Variants in MYO18B observed in about 807,000 individuals in gnomAD.
MYO18B encodes the protein myosin XVIIIB.
MYO18B carries 204 observed loss-of-function variants against 273.0 expected under a neutral mutation model. The ratio of observed to expected loss-of-function variants is 0.75; its 90% confidence interval spans 0.67 to 0.84. The LOEUF (loss-of-function observed/expected upper bound fraction) is 0.84, where lower values mean the gene tolerates loss of function less well. Ranked by LOEUF, MYO18B falls within the 40% of genes least tolerant of loss-of-function variation. MYO18B has a pLI of 0.00. For missense variants in MYO18B, 3,212 were observed against 3,287.6 expected (o/e 0.98, Z 0.56); for synonymous variants, 1,330 against 1,305.7 (o/e 1.02, Z -0.40).
At chr22:25,788,716 C>G in intron 11 of MYO18B, among the ~76,000 whole-genome samples, 1 of 152,216 alleles carries the variant, frequency 6.6e-6, no homozygotes, top group East Asian at 1.9e-4. Context: ...GCTGAGCCCT[C>G]CTCCTTCCTT....
At chr22:25,792,905 A>G (rs886077743) in intron 11 of MYO18B, among the ~76,000 whole-genome samples, 4 of 152,188 alleles carry the variant, frequency 2.6e-5, no homozygotes, top group Non-Finnish European at 5.9e-5. Flanking sequence ...CCCCTGCCCA[A>G]TGTCTCCCAG....
At chr22:25,799,386 A>G (rs1263636629) in intron 12 of MYO18B, among the ~76,000 whole-genome samples, 1 of 152,076 alleles carries the variant, frequency 6.6e-6, no homozygotes, top group Non-Finnish European at 1.5e-5. Flanking sequence ...TTTTGGCAAT[A>G]TAGAAGGTTC....
chr22:26,005,604 A>G (rs1360349094), intron 42 of MYO18B, among the ~76,000 whole-genome samples: 1 of 152,118 alleles, frequency 6.6e-6, no homozygotes, highest in East Asian at 1.9e-4. Flanking sequence ...GCCCTCTTGT[A>G]ATTAGGAGTT....
rs1295805932 is a variant in MYO18B at position 25,758,379 on chromosome 22, AGAACCTATGTGACTTT to A, written c.-109-2603_-109-2588del. On this transcript the variant is annotated intron_variant, in intron 1 of 43. Coordinates refer to ENST00000335473, the MANE Select transcript of MYO18B (RefSeq NM_032608.7). ...ATACTACCCAGCAGTTTCACTCAGA[AGAACCTATGTGACTTT>A]GTAGCGACATTATTCGTAGTGCCCC... 4.0e-5 allele frequency among the ~76,000 whole-genome samples: 6 copies of A among 151,768 alleles called. 1 individual carries two copies. The highest frequency in any genetic ancestry group is 6.6e-5 in the Admixed American group (1 of 15,242).
At chr22:25,978,216 G>C (rs1224063873) in intron 39 of MYO18B, among the ~76,000 whole-genome samples, 1 of 152,148 alleles carries the variant, frequency 6.6e-6, no homozygotes, top group Non-Finnish European at 1.5e-5. Context: ...AGCATAGAAG[G>C]GAAAGAAACT....
At chr22:25,836,879 T>G (rs74977712) in intron 17 of MYO18B, among the ~76,000 whole-genome samples, 4,595 of 151,902 alleles carry the variant, frequency 0.03, 154 homozygotes, top group East Asian at 0.19. Flanking sequence ...GGAGAATTGC[T>G]TGAACCCAGG....
In MYO18B at chr22:26,004,765, C is replaced by A; in HGVS notation, c.6380C>A (p.Ser2127Tyr). 4 of 1,613,940 alleles carry A rather than the reference C, an allele frequency of 2.5e-6. No individual in the cohort carries two copies. Among genetic ancestry groups the A allele is most frequent in the Non-Finnish European group, 3.4e-6 (4 of 1,179,832 alleles). The change falls in exon 42 of 44, where the codon TCC (serine) becomes TAC (tyrosine). Residue 2127 changes from serine to tyrosine, a missense_variant. Physicochemically the swap from Ser to Tyr is moderately radical, Grantham distance 144. Coordinates refer to ENST00000335473, the MANE Select transcript of MYO18B (RefSeq NM_032608.7). ...TCCCAGCCAGAGGGCAGCCTGCAGT[C>A]CTGGTTGAGCTGTACTCTGTCCCTG... Reference protein sequence around the residue: ...LSSQPEGSLQSWLSCTLSLAT... With the variant: ...LSSQPEGSLQYWLSCTLSLAT...
At chr22:25,961,057 G>A (rs948130304) in intron 39 of MYO18B, among the ~76,000 whole-genome samples, 1 of 151,678 alleles carries the variant, frequency 6.6e-6, no homozygotes, top group Non-Finnish European at 1.5e-5. Context: ...AGGAAGGAAG[G>A]AAGCAACAAA....
At position 25,814,969 on chromosome 22, in the gene MYO18B, C is replaced by A. The variant is rs1392834146; in HGVS notation, c.2522-8536C>A. ...CCAATCTGGGACCAAGAGGTTCTGTCTTTAAATCCTACACCCTTATTCTTT... is the reference window on the plus strand; with the variant it reads ...CCAATCTGGGACCAAGAGGTTCTGTATTTAAATCCTACACCCTTATTCTTT... On this transcript the variant is annotated intron_variant, in intron 12 of 43. Transcript: ENST00000335473. Among the ~76,000 whole-genome samples, 3 of 152,174 alleles carry A rather than the reference C, an allele frequency of 2.0e-5. No individual in the cohort carries two copies. In the South Asian group the frequency reaches 6.2e-4, roughly 32 times the overall value.
chr22:25,760,411 CAAAA>C (rs60732274), intron 1 of MYO18B, among the ~76,000 whole-genome samples: 780 of 61,094 alleles, frequency 0.013, 8 homozygotes, highest in East Asian at 0.058. Context: ...GACTCCATCT[CAAAA>C]AAAAAAAAAA....
chr22:25,952,863 C>T (rs888392113), intron 38 of MYO18B, among the ~76,000 whole-genome samples: 4 of 152,206 alleles, frequency 2.6e-5, no homozygotes, highest in African/African-American at 7.2e-5. Context: ...TTATTTTGCA[C>T]CCAGTGTGGG....
chr22:25,874,462 C>T (rs768052884), intron 23 of MYO18B, 48 bp downstream of exon 23: 31 of 1,576,034 alleles, frequency 2.0e-5, no homozygotes, highest in East Asian at 4.7e-5. Flanking sequence ...GGGTCTGGAG[C>T]GGGCATAGGG....
chr22:25,757,275 A>T (rs368781839), intron 1 of MYO18B, among the ~76,000 whole-genome samples: 1 of 152,106 alleles, frequency 6.6e-6, no homozygotes, highest in East Asian at 1.9e-4. Flanking sequence ...AAGTCACTGA[A>T]GGGCAGCTAC....
intron 12 of MYO18B, among the ~76,000 whole-genome samples, chr22:25,798,843 G>A (rs1249767708): frequency 1.3e-5 from 2 of 152,136 alleles, no homozygotes; most frequent in Non-Finnish European, 2.9e-5. Context: ...GGGATTACAG[G>A]CATGAGCCAC....
At chr22:25,820,672 A>G (rs188763410) in intron 12 of MYO18B, among the ~76,000 whole-genome samples, 2 of 152,308 alleles carry the variant, frequency 1.3e-5, no homozygotes, top group Admixed American at 6.5e-5. Flanking sequence ...TATTTGTGTT[A>G]GGAACATTCA....
intron 12 of MYO18B, among the ~76,000 whole-genome samples, chr22:25,802,035 G>GAGTTA (rs1377294173): frequency 6.6e-6 from 1 of 152,168 alleles, no homozygotes; most frequent in Non-Finnish European, 1.5e-5. Flanking sequence ...AGTTAACACA[G>GAGTTA]ACCCTGCAGG....
chr22:26,027,480 C>A lies in MYO18B; in HGVS notation c.7506C>A (p.Pro2502=). ...LKKSPEPKED[P]AHLSDSSSSS... ...AGAGCCCGGAGCCCAAGGAGGATCCCGCTCACCTGTCTGACTCGTCCTCAT... is the reference window on the plus strand; with the variant it reads ...AGAGCCCGGAGCCCAAGGAGGATCCAGCTCACCTGTCTGACTCGTCCTCAT... The change falls in exon 43 of 44, where the codon CCC becomes CCA. Residue 2502 remains proline (P), a synonymous_variant. Coordinates refer to ENST00000335473, the MANE Select transcript of MYO18B (RefSeq NM_032608.7). The surrounding 1 kb of genome is among the most constrained non-coding windows in gnomAD (Gnocchi z 4.1). 1 of 1,613,920 alleles carries A rather than the reference C, an allele frequency of 6.2e-7. No homozygotes were observed. The highest frequency in any genetic ancestry group is 2.2e-5 in the East Asian group (1 of 44,866).
intron 39 of MYO18B, among the ~76,000 whole-genome samples, chr22:25,967,876 A>T (rs1202169333): frequency 6.6e-6 from 1 of 152,124 alleles, no homozygotes; most frequent in African/African-American, 2.4e-5. Flanking sequence ...TCCCAATTCC[A>T]TGCTCCATGA....
At chr22:25,895,937 T>TC (rs1256374794) in intron 28 of MYO18B, among the ~76,000 whole-genome samples, 5 of 152,064 alleles carry the variant, frequency 3.3e-5, no homozygotes, top group African/African-American at 1.2e-4. Flanking sequence ...TTTTTTTTTT[T>TC]CCGCTCCCAG....
Sources: allele counts gnomAD v4.1 joint callset (sites outside exome capture counted in the v4.1 genomes callset), GRCh38; gene constraint gnomAD v4.1.1; non-coding constraint Gnocchi (gnomAD v3.1); transcripts MANE v1.5; gene names NCBI Gene and HGNC (gene_info 2026-07-23, HGNC 2026-07-21).